Variants in SCML4 observed in about 807,000 individuals in gnomAD.
SCML4 encodes the protein Scm polycomb group protein like 4, also known as sex comb on midleg-like protein 4.
In SCML4, 34 loss-of-function variants were observed where a neutral mutation model predicts 41.1. The ratio of observed to expected loss-of-function variants is 0.83; its 90% CI spans 0.63 to 1.10. The LOEUF (loss-of-function observed/expected upper bound fraction) is 1.10, where lower values mean the gene tolerates loss of function less well. Among genes scored for constraint, SCML4 ranks in the 50% least tolerant of loss-of-function variants. SCML4 has a pLI of 0.00. For synonymous variants in SCML4, 214 were observed against 220.9 expected (o/e 0.97, Z 0.28); for missense variants, 522 against 534.1 (o/e 0.98, Z 0.22).
At chr6:107,705,669 T>C (rs1037738395) in intron 7 of SCML4, among the ~76,000 whole-genome samples, 1 of 152,172 alleles carries the variant, frequency 6.6e-6, no homozygotes, top group Non-Finnish European at 1.5e-5. Flanking sequence ...GCAAAAACCG[T>C]CATCCATTAG....
chr6:107,727,325 T>C (rs929138369), intron 5 of SCML4, among the ~76,000 whole-genome samples: 2 of 152,252 alleles, frequency 1.3e-5, no homozygotes, highest in African/African-American at 4.8e-5. Flanking sequence ...ATTCTACAAT[T>C]GACTGTGCTG....
Position 107,720,858 on chromosome 6 carries a change from T to C in SCML4, c.818A>G (p.Asn273Ser). 1 of 1,614,018 alleles carries C rather than the reference T, an allele frequency of 6.2e-7. No homozygotes were observed. Among genetic ancestry groups the C allele is most frequent in the Non-Finnish European group, 8.5e-7 (1 of 1,179,970 alleles). ...ACCCCCAAGGTGGCTGTCTCCAGAG[T>C]TCTGCCTCTTGCAGTACAGCGAGGA... ...PSSSLYCKRQ[N>S]SGDSHLGGGP... The change falls in exon 6 of 8, where the codon AAC becomes AGC. Residue 273 changes from asparagine (N) to serine (S), a missense_variant. Coordinates refer to ENST00000369020, the MANE Select transcript of SCML4 (RefSeq NM_198081.5).
At chr6:107,753,270 G>T (rs1450670441) in intron 2 of SCML4, among the ~76,000 whole-genome samples, 1 of 152,016 alleles carries the variant, frequency 6.6e-6, no homozygotes, top group Non-Finnish European at 1.5e-5. Context: ...AAAGAGTATG[G>T]CAGTTTTTAA....
At chr6:107,771,057 A>G (rs1780477618) in intron 2 of SCML4, among the ~76,000 whole-genome samples, 1 of 152,166 alleles carries the variant, frequency 6.6e-6, no homozygotes, top group African/African-American at 2.4e-5. Flanking sequence ...CCAGTGAGAG[A>G]AGACTTTACC....
intron 1 of SCML4, among the ~76,000 whole-genome samples, chr6:107,784,559 G>A (rs552480361): frequency 1.5e-4 from 23 of 152,202 alleles, no homozygotes; most frequent in Non-Finnish European, 2.9e-4. Context: ...TCTTGCTGGG[G>A]TGGGGAGAGG....
In SCML4 at chr6:107,778,248, T is replaced by A. The variant is rs866118080; in HGVS notation, c.-59-5862A>T. The stretch of plus-strand genomic sequence containing the variant: ...ATATATATATATATATATATATATA[T>A]ATATATATATATATATAACTTGAGA... On this transcript the variant is annotated intron_variant, in intron 1 of 7. Coordinates refer to ENST00000369020, the MANE Select transcript of SCML4 (RefSeq NM_198081.5). Among the ~76,000 whole-genome samples the A allele has an allele frequency of 1.2e-3, 104 of 86,518 alleles. 5 individuals are homozygous for A. The highest frequency in any genetic ancestry group is 3.4e-3 in the South Asian group (9 of 2,644). 56.8% of individuals were successfully genotyped at this position (86,518 alleles called of 152,430 possible). A position where few individuals can be genotyped will look rare whatever the true frequency, so the allele number is the denominator to read the frequency against.
Position 107,818,996 on chromosome 6 carries a change from C to T in SCML4, c.-60+5130G>A, listed in dbSNP as rs534913921. Among the ~76,000 whole-genome samples, 8 of 152,230 alleles carry T rather than the reference C, an allele frequency of 5.3e-5. No individual in the cohort carries two copies. The East Asian group carries it at 5.8e-4, about 11-fold the overall frequency. The stretch of plus-strand genomic sequence containing the variant: ...AGGATGACCTGTGGACAAAAGAGGA[C>T]GGGAGAAGAGAAAATATTTTCTTCA... On this transcript the variant is annotated intron_variant, in intron 1 of 7. Coordinates refer to ENST00000369020, the MANE Select transcript of SCML4 (RefSeq NM_198081.5).
At chr6:107,766,369 CAAAA>C (rs11349348) in intron 2 of SCML4, among the ~76,000 whole-genome samples, 4 of 89,962 alleles carry the variant, frequency 4.4e-5, no homozygotes, top group Non-Finnish European at 1.0e-4. Flanking sequence ...GACTCCGTCT[CAAAA>C]AAAAAAAAAA....
intron 1 of SCML4, among the ~76,000 whole-genome samples, chr6:107,798,992 T>G (rs1199553563): frequency 6.6e-6 from 1 of 152,124 alleles, no homozygotes; most frequent in East Asian, 1.9e-4. Context: ...CCCAGCTTAT[T>G]GTCTATGTTG....
intron 2 of SCML4, among the ~76,000 whole-genome samples, chr6:107,765,826 C>T (rs189775804): frequency 5.5e-4 from 84 of 152,176 alleles, no homozygotes; most frequent in Non-Finnish European, 1.3e-4. Flanking sequence ...ATATTTACAC[C>T]TTAGAATCTG....
At chr6:107,794,552 C>T (rs945589465) in intron 1 of SCML4, among the ~76,000 whole-genome samples, 20 of 151,726 alleles carry the variant, frequency 1.3e-4, no homozygotes, top group African/African-American at 3.6e-4. Flanking sequence ...TATATGTATA[C>T]GTATGTATAT....
chr6:107,808,886 C>A (rs1783947189), intron 1 of SCML4, among the ~76,000 whole-genome samples: 1 of 152,076 alleles, frequency 6.6e-6, no homozygotes, highest in South Asian at 2.1e-4. Flanking sequence ...AGAACACAGG[C>A]AAAACATTTG....
intron 1 of SCML4, among the ~76,000 whole-genome samples, chr6:107,807,293 C>T (rs184179842): frequency 2.0e-4 from 30 of 152,208 alleles, no homozygotes; most frequent in Non-Finnish European, 4.0e-4. Context: ...GCACTGACAG[C>T]TGAGTAGCTA....
intron 5 of SCML4, among the ~76,000 whole-genome samples, chr6:107,743,133 G>C (rs1777741776): frequency 6.8e-6 from 1 of 146,726 alleles, no homozygotes; most frequent in African/African-American, 2.5e-5. Flanking sequence ...TTTCTTTAAA[G>C]TAACTTTTTA....
intron 1 of SCML4, among the ~76,000 whole-genome samples, chr6:107,823,787 A>C (rs1417876047): frequency 6.6e-6 from 1 of 152,228 alleles, no homozygotes; most frequent in African/African-American, 2.4e-5. Context: ...CTAACCGGTT[A>C]CTTGAGTTCA....
intron 1 of SCML4, among the ~76,000 whole-genome samples, chr6:107,805,471 G>A (rs895049867): frequency 5.3e-5 from 8 of 152,120 alleles, no homozygotes; most frequent in African/African-American, 1.7e-4. Context: ...AAAGCATCAC[G>A]TCCTTCCATT....
intron 4 of SCML4, chr6:107,745,526 C>T (rs968567083): frequency 6.9e-5 from 11 of 159,690 alleles, no homozygotes; most frequent in Non-Finnish European, 1.2e-4. Flanking sequence ...CCCTTTCTAT[C>T]ACATCACATC....
chr6:107,796,408 G>A (rs1007359484), intron 1 of SCML4, among the ~76,000 whole-genome samples: 24 of 152,084 alleles, frequency 1.6e-4, no homozygotes, highest in Non-Finnish European at 8.8e-5. Flanking sequence ...TGCTGAGCCC[G>A]TTTTTATGTG....
intron 1 of SCML4, among the ~76,000 whole-genome samples, chr6:107,799,490 C>T (rs988841388): frequency 2.0e-5 from 3 of 152,062 alleles, no homozygotes; most frequent in Non-Finnish European, 4.4e-5. Flanking sequence ...ATAGTTGGAT[C>T]TTGTTTTTGT....
Sources: allele counts gnomAD v4.1 joint callset (sites outside exome capture counted in the v4.1 genomes callset), GRCh38; gene constraint gnomAD v4.1.1; transcripts MANE v1.5; gene names NCBI Gene and HGNC (gene_info 2026-07-23, HGNC 2026-07-21).